The following ZNF410 variants were observed in gnomAD, a reference collection of about 807,000 sequenced individuals.
ZNF410 encodes the protein another partner for ARF 1.
In ZNF410, 18 loss-of-function variants were observed where a neutral mutation model predicts 54.8. That is an observed-to-expected ratio of 0.33 (90% confidence interval 0.23 to 0.49). The LOEUF (loss-of-function observed/expected upper bound fraction) is 0.49, where lower values mean the gene tolerates loss of function less well. Among genes scored for constraint, ZNF410 ranks in the 20% least tolerant of loss-of-function variants. The pLI is 0.99. For missense variants in ZNF410, 405 were observed against 569.6 expected, an observed-to-expected ratio of 0.71 and a Z score of 2.94; for synonymous variants, 191 against 207.3, an observed-to-expected ratio of 0.92 and a Z score of 0.68.
chr14:73,897,635 GT>G (rs2055339405), intron 4 of ZNF410, among the ~76,000 whole-genome samples: 1 of 152,160 alleles, frequency 6.6e-6, no homozygotes, highest in African/African-American at 2.4e-5. Flanking sequence ...TCAGTGAGAA[GT>G]TTGAGGTAAA....
Position 73,904,080 on chromosome 14 carries a change from C to G in ZNF410, c.701C>G (p.Ala234Gly). 1.2e-6 allele frequency: 2 copies of G among 1,614,156 alleles called. No individual in the cohort carries two copies. Among genetic ancestry groups the G allele is most frequent in the Non-Finnish European group, 1.7e-6 (2 of 1,180,040 alleles). ...EGCDRTFVWP[A>G]HFKYHLKTHR... Reference sequence around the variant, plus strand: ...TGTGACCGGACATTTGTATGGCCAGCTCACTTTAAATACCACCTCAAGACT... The same window carrying G: ...TGTGACCGGACATTTGTATGGCCAGGTCACTTTAAATACCACCTCAAGACT... The change falls in exon 6 of 12, where the codon GCT (alanine) becomes GGT (glycine). Residue 234 changes from alanine (A) to glycine (G), a missense_variant. Ala to Gly is a moderately conservative substitution (Grantham distance 60, BLOSUM62 0). Transcript: ENST00000555044.
intron 9 of ZNF410, chr14:73,921,387 T>G: frequency 3.5e-6 from 1 of 288,968 alleles, no homozygotes; most frequent in East Asian, 8.0e-5. Flanking sequence ...GTTTTAAAAG[T>G]TTCCCTAGTG....
At chr14:73,921,524 C>T (rs1387249359) in intron 9 of ZNF410, among the ~76,000 whole-genome samples, 1 of 152,144 alleles carries the variant, frequency 6.6e-6, no homozygotes, top group Non-Finnish European at 1.5e-5. Flanking sequence ...GTCACCCAGG[C>T]TGGAGTGCAG....
rs2055920682 is a variant in ZNF410 at position 73,931,850 on chromosome 14, A to T, written c.*309A>T. On this transcript the variant is annotated 3_prime_UTR_variant, in exon 12 of 12. Coordinates refer to ENST00000555044, the MANE Select transcript of ZNF410 (RefSeq NM_021188.3). ...GATTATGTGTTGGCTGAAGTTCTTC[A>T]TTCTGACTGTTGAGGGGAGGTTTTC... 1 of 439,032 alleles carries T rather than the reference A, an allele frequency of 2.3e-6. No individual in the cohort carries two copies. Among genetic ancestry groups the T allele is most frequent in the Non-Finnish European group, 4.4e-6 (1 of 226,128 alleles). 27.2% of individuals were successfully genotyped at this position (439,032 alleles called of 1,614,324 possible).
At chr14:73,908,194 C>T (rs72627130) in intron 7 of ZNF410, among the ~76,000 whole-genome samples, 23,385 of 152,048 alleles carry the variant, frequency 0.15, 2,365 homozygotes, top group East Asian at 0.49. Context: ...CTCCTGTGTC[C>T]GTTATCCCAG....
rs2055556856 is a variant in ZNF410, at chr14:73,910,246, A to G, written c.1003+816A>G. Reference sequence around the variant, plus strand: ...CTTACTGAAGATTTATCTGGCAGTGATGCAGAAGCTAAACTAAAACAGGAA... The same window carrying G: ...CTTACTGAAGATTTATCTGGCAGTGGTGCAGAAGCTAAACTAAAACAGGAA... On this transcript the variant is annotated intron_variant, in intron 8 of 11. Transcript: ENST00000555044. Among the ~76,000 whole-genome samples the G allele has an allele frequency of 1.3e-5, 2 of 152,226 alleles. 1 individual carries two copies. Among genetic ancestry groups the G allele is most frequent in the South Asian group, 4.1e-4 (2 of 4,834 alleles).
chr14:73,904,145 G>A (rs771687237), intron 6 of ZNF410, 35 bp downstream of exon 6: 9 of 1,588,094 alleles, frequency 5.7e-6, no homozygotes, highest in Admixed American at 3.5e-5. Context: ...TTGGATATAC[G>A]TTGATGCAAA....
At chr14:73,916,015 G>A (rs1379130365) in intron 8 of ZNF410, 1 of 152,202 alleles carries the variant, frequency 6.6e-6, no homozygotes, top group Non-Finnish European at 1.5e-5. Context: ...CAAGGCAGGA[G>A]GATTGCTTGG....
intron 8 of ZNF410, among the ~76,000 whole-genome samples, chr14:73,910,760 A>G (rs1417230370): frequency 2.6e-5 from 4 of 151,044 alleles, no homozygotes; most frequent in Middle Eastern, 6.8e-3. Flanking sequence ...TCTCAAAAAA[A>G]AAAAAAAAAA....
intron 1 of ZNF410, 98 bp downstream of exon 1, chr14:73,887,013 G>T (rs1265603166): frequency 1.3e-5 from 2 of 152,882 alleles, no homozygotes; most frequent in Non-Finnish European, 2.9e-5. Context: ...GGCCGAGTTC[G>T]CCCCGAGAGA....
intron 8 of ZNF410, chr14:73,912,919 T>C (rs967545846): frequency 1.3e-5 from 2 of 152,130 alleles, no homozygotes; most frequent in African/African-American, 2.4e-5. Context: ...ATGTGTAGGA[T>C]GTGCAGGTTT....
At chr14:73,905,241 T>TAA (rs2140306214) in intron 7 of ZNF410, 158 bp downstream of exon 7, 1 of 712,474 alleles carries the variant, frequency 1.4e-6, no homozygotes, top group East Asian at 2.8e-5. Flanking sequence ...TTGTTGCACT[T>TAA]ATAATAACAT....
intron 5 of ZNF410, chr14:73,902,282 C>G (rs1008784080): frequency 6.6e-6 from 1 of 151,810 alleles, no homozygotes. Context: ...ACTGTGTTAG[C>G]CGGGATGGTC....
In ZNF410 at chr14:73,931,552, T is replaced by C; in HGVS notation, c.*11T>C. ...GAAAGACGGACATGAGCGTGGGTGC[T>C]GACTCCTGGAAGAGCAACTCTATCT... On this transcript the variant is annotated 3_prime_UTR_variant, in exon 12 of 12. Transcript: ENST00000555044. 1.9e-6 allele frequency: 3 copies of C among 1,610,626 alleles called. No homozygotes were observed. The highest frequency in any genetic ancestry group is 2.5e-6 in the Non-Finnish European group (3 of 1,178,966).
intron 1 of ZNF410, among the ~76,000 whole-genome samples, chr14:73,888,783 C>T (rs746974926): frequency 5.3e-5 from 8 of 152,142 alleles, no homozygotes; most frequent in Non-Finnish European, 8.8e-5. Context: ...ATGAGATCCC[C>T]ACAGTACACT....
At chr14:73,892,294 C>A in intron 2 of ZNF410, 86 bp downstream of exon 2, 1 of 1,273,186 alleles carries the variant, frequency 7.9e-7, no homozygotes. Flanking sequence ...CAAACTTTTT[C>A]TTTAATGGGC....
intron 7 of ZNF410, among the ~76,000 whole-genome samples, chr14:73,907,424 C>T (rs867927774): frequency 3.5e-4 from 53 of 151,890 alleles, no homozygotes; most frequent in African/African-American, 1.2e-3. Context: ...ACGGTGAAAC[C>T]CCATCTCCAC....
At chr14:73,887,108 C>T (rs1001329199) in intron 1 of ZNF410, 193 bp downstream of exon 1, 1 of 152,836 alleles carries the variant, frequency 6.5e-6, no homozygotes, top group African/African-American at 2.4e-5. Flanking sequence ...TGGCCCTTCC[C>T]CTCGCGGGTT....
chr14:73,887,687 G>A (rs1164521642), intron 1 of ZNF410, among the ~76,000 whole-genome samples: 3 of 152,198 alleles, frequency 2.0e-5, no homozygotes, highest in African/African-American at 7.2e-5. Context: ...TGGAAATAAA[G>A]TCGGGCATTT....
Sources: allele counts gnomAD v4.1 joint callset (sites outside exome capture counted in the v4.1 genomes callset), GRCh38; gene constraint gnomAD v4.1.1; transcripts MANE v1.5; gene names NCBI Gene and HGNC (gene_info 2026-07-23, HGNC 2026-07-21).